Variants in TENM3 observed in about 807,000 individuals in gnomAD.
TENM3 encodes the protein teneurin-3.
Under a neutral mutation model 255.1 loss-of-function variants are expected in TENM3, and 63 were observed. That is an observed-to-expected ratio of 0.25 (90% CI 0.20 to 0.30). The LOEUF (loss-of-function observed/expected upper bound fraction) is 0.30. Ranked by LOEUF, TENM3 falls within the 10% of genes least tolerant of loss-of-function variation. The probability of loss-of-function intolerance (pLI) is 1.00; values close to 1 mark genes in which losing one functional copy is unlikely to be tolerated. For synonymous variants in TENM3, 1,306 were observed against 1,322.3 expected, an observed-to-expected ratio of 0.99 and a Z score of 0.27; for missense variants, 2,929 against 3,461.1, an observed-to-expected ratio of 0.85 and a Z score of 3.86.
chr4:181,596,453 A>G, the TENM3 span, among the ~76,000 whole-genome samples: 2 of 152,168 alleles, frequency 1.3e-5, no homozygotes, highest in Non-Finnish European at 2.9e-5. Flanking sequence ...GAGCCACAAC[A>G]AGGAGAAGTT....
intron 23 of TENM3, 75 bp from the exon 24 acceptor site, chr4:182,774,843 C>A: frequency 1.9e-6 from 2 of 1,052,892 alleles, no homozygotes; most frequent in East Asian, 2.6e-5. Context: ...AAATTTAGAA[C>A]CTATCTCACG....
chr4:182,726,753 G>T (rs1760226737), intron 13 of TENM3, among the ~76,000 whole-genome samples: 1 of 152,170 alleles, frequency 6.6e-6, no homozygotes, highest in Non-Finnish European at 1.5e-5. Context: ...ATGACCTGCT[G>T]AGCCAGGCCT....
the TENM3 span, among the ~76,000 whole-genome samples, chr4:181,683,954 C>A: frequency 4.1e-4 from 63 of 152,122 alleles, no homozygotes; most frequent in Admixed American, 1.1e-3. Context: ...TCATGAGAAT[C>A]CAATGGGTTA....
At chr4:182,222,012 A>G (rs1755878781) in intron 1 of TENM3, among the ~76,000 whole-genome samples, 2 of 152,152 alleles carry the variant, frequency 1.3e-5, no homozygotes, top group African/African-American at 4.8e-5. Context: ...TAACCCCTCA[A>G]TCAAAACACC....
the TENM3 span, among the ~76,000 whole-genome samples, chr4:181,871,632 T>A: frequency 6.6e-6 from 1 of 152,120 alleles, no homozygotes; most frequent in Admixed American, 6.5e-5. Flanking sequence ...ATTTGCCTGG[T>A]TTCTGATCTC....
intron 19 of TENM3, among the ~76,000 whole-genome samples, chr4:182,747,518 C>T (rs1265608654): frequency 1.3e-5 from 2 of 152,172 alleles, no homozygotes; most frequent in Non-Finnish European, 2.9e-5. Context: ...ATTTCCTTCT[C>T]TGATGTTTAT....
chr4:182,130,926 G>T, the TENM3 span, among the ~76,000 whole-genome samples: 1 of 152,056 alleles, frequency 6.6e-6, no homozygotes, highest in East Asian at 1.9e-4. Context: ...TATCTTAAGA[G>T]AAGCAGATAG....
intron 2 of TENM3, among the ~76,000 whole-genome samples, chr4:182,338,298 C>G (rs1282122335): frequency 6.6e-6 from 1 of 152,116 alleles, no homozygotes; most frequent in Non-Finnish European, 1.5e-5. Context: ...TGTCATCGCA[C>G]TATAATGTTT....
chr4:181,714,265 A>T, the TENM3 span, among the ~76,000 whole-genome samples: 2 of 151,954 alleles, frequency 1.3e-5, no homozygotes, highest in Non-Finnish European at 2.9e-5. Context: ...GTAGGACCTC[A>T]TATGTACAAA....
rs370926050 is a variant in TENM3 at position 182,448,535 on chromosome 4, A to G, written c.511+101606A>G. ...GCAGAGCAGGGGTCGGGATCCGTTC[A>G]TGGGTTGGGAGAGAGATGCTTTTGT... On this transcript the variant is annotated intron_variant, in intron 3 of 27. Coordinates refer to ENST00000511685, the MANE Select transcript of TENM3 (RefSeq NM_001080477.4). Among the ~76,000 whole-genome samples the G allele has an allele frequency of 1.1e-4, 17 of 152,264 alleles. No individual in the cohort carries two copies. The East Asian group carries it at 2.7e-3, about 24-fold the overall frequency.
chr4:182,691,559 C>A (rs1032123288), intron 12 of TENM3, among the ~76,000 whole-genome samples: 1 of 152,106 alleles, frequency 6.6e-6, no homozygotes, highest in Non-Finnish European at 1.5e-5. Flanking sequence ...TGAAAGGGTT[C>A]TATTCTGATA....
the TENM3 span, among the ~76,000 whole-genome samples, chr4:181,582,859 A>G: frequency 6.6e-6 from 1 of 152,116 alleles, no homozygotes; most frequent in African/African-American, 2.4e-5. Context: ...ATTGGATGTA[A>G]GGTAGGAAGG....
chr4:181,694,421 A>G, the TENM3 span, among the ~76,000 whole-genome samples: 4 of 152,230 alleles, frequency 2.6e-5, no homozygotes, highest in African/African-American at 4.8e-5. Context: ...AATAAAAACA[A>G]TCCTTACTTT....
intron 22 of TENM3, among the ~76,000 whole-genome samples, chr4:182,772,799 T>C (rs1229297019): frequency 1.3e-5 from 2 of 152,152 alleles, no homozygotes; most frequent in Admixed American, 1.3e-4. Flanking sequence ...TCAGGAAATA[T>C]TGCATCTCAT....
the TENM3 span, among the ~76,000 whole-genome samples, chr4:181,739,570 C>T: frequency 2.5e-4 from 38 of 152,224 alleles, no homozygotes; most frequent in Admixed American, 2.4e-3. Flanking sequence ...GAATGATTGA[C>T]GTCCAAGGAT....
intron 1 of TENM3, among the ~76,000 whole-genome samples, chr4:182,292,511 A>G (rs1158965627): frequency 6.6e-6 from 1 of 152,108 alleles, no homozygotes; most frequent in African/African-American, 2.4e-5. Context: ...ACTGCTATCT[A>G]TATTGTTTGA....
chr4:181,516,336 C>T, the TENM3 span, among the ~76,000 whole-genome samples: 1 of 145,052 alleles, frequency 6.9e-6, no homozygotes, highest in East Asian at 2.0e-4. Context: ...CATACCTGCA[C>T]ATCTACCTCA....
At chr4:181,463,110 G>A in the TENM3 span, among the ~76,000 whole-genome samples, 2 of 152,162 alleles carry the variant, frequency 1.3e-5, no homozygotes, top group Admixed American at 1.3e-4. Context: ...TTTATGGTCA[G>A]CAAAGCTTAG....
the TENM3 span, among the ~76,000 whole-genome samples, chr4:181,951,960 A>T: frequency 6.6e-6 from 1 of 152,036 alleles, no homozygotes; most frequent in African/African-American, 2.4e-5. Flanking sequence ...GTCTAGTGGG[A>T]TATGTTTTGT....
Sources: allele counts gnomAD v4.1 joint callset (sites outside exome capture counted in the v4.1 genomes callset), GRCh38; gene constraint gnomAD v4.1.1; transcripts MANE v1.5; gene names NCBI Gene and HGNC (gene_info 2026-07-23, HGNC 2026-07-21).